Variants in TMEM156 observed in about 807,000 individuals in gnomAD.
The protein encoded by TMEM156 is transmembrane protein 156.
A neutral mutation model predicts 30.5 loss-of-function variants in TMEM156; 28 were observed. The ratio of observed to expected loss-of-function variants is 0.92; its 90% CI spans 0.68 to 1.26. The LOEUF (loss-of-function observed/expected upper bound fraction) is 1.26, where lower values mean the gene tolerates loss of function less well. Ranked by LOEUF, TMEM156 falls within the 50% of genes most tolerant of loss-of-function variation. The pLI is 0.00. For missense variants in TMEM156, 351 were observed against 340.6 expected, an observed-to-expected ratio of 1.03 and a Z score of -0.24; for synonymous variants, 137 against 119.9, an observed-to-expected ratio of 1.14 and a Z score of -0.93.
chr4:39,031,905 A>AAAAAAAAAAAAAAAAAAAAAAAAAAC (rs60499521), intron 1 of TMEM156, among the ~76,000 whole-genome samples: 1 of 129,254 alleles, frequency 7.7e-6, no homozygotes, highest in Non-Finnish European at 1.6e-5. Flanking sequence ...AAATAAAAAA[A>AAAAAAAAAAAAAAAAAAAAAAAAAAC]TAAAAAAAAA....
chr4:39,027,972 G>A (rs1577594296), intron 1 of TMEM156, among the ~76,000 whole-genome samples: 1 of 152,006 alleles, frequency 6.6e-6, no homozygotes, highest in Non-Finnish European at 1.5e-5. Context: ...GGCCAGGCCG[G>A]TCTTAAACTC....
Position 38,997,153 on chromosome 4 carries a change from T to C in TMEM156, c.358+1487A>G, listed in dbSNP as rs115508377. On this transcript the variant is annotated intron_variant, in intron 2 of 6. Transcript: ENST00000381938. The stretch of plus-strand genomic sequence containing the variant: ...GAGAAGATCTGTGAGCTACCAACCC[T>C]TAAAACACTTCCTAGTTCTCTGTCA... 8.0e-3 allele frequency among the ~76,000 whole-genome samples: 1,223 copies of C among 152,334 alleles called. 24 individuals carry two copies. The highest frequency in any genetic ancestry group is 0.027 in the African/African-American group (1,112 of 41,570).
intron 5 of TMEM156, among the ~76,000 whole-genome samples, chr4:38,977,781 A>G (rs537529993): frequency 2.6e-5 from 4 of 152,308 alleles, no homozygotes; most frequent in African/African-American, 9.6e-5. Context: ...CTGAATTTTG[A>G]CCTGGCTGAA....
chr4:39,014,142 A>C (rs1017332241), intron 1 of TMEM156, among the ~76,000 whole-genome samples: 14 of 152,226 alleles, frequency 9.2e-5, no homozygotes, highest in Non-Finnish European at 1.3e-4. Context: ...ATTTTAAACA[A>C]AAGAGGCTGT....
At position 38,992,162 on chromosome 4, in the gene TMEM156, G is replaced by T. The variant is rs528351757; in HGVS notation, c.619+1576C>A. On this transcript the variant is annotated intron_variant, in intron 3 of 6. Transcript: ENST00000381938. ...AAGCTTTAGAAAAGCAATCTGAAAG[G>T]CTTCCGTATGTCTGGAATATCAAAA... Among the ~76,000 whole-genome samples, 4 of 152,240 alleles carry T rather than the reference G, an allele frequency of 2.6e-5. No individual in the cohort carries two copies. The South Asian group carries it at 6.2e-4, about 24-fold the overall frequency.
chr4:38,991,314 C>G (rs1205940110), intron 3 of TMEM156, among the ~76,000 whole-genome samples: 1 of 150,332 alleles, frequency 6.7e-6, no homozygotes, highest in Non-Finnish European at 1.5e-5. Context: ...GCCTTGTCTT[C>G]CCTATCTCAA....
rs756573192 is a variant in TMEM156, at chr4:38,998,620, C to G, written c.358+20G>C. 3 of 1,594,102 alleles carry G rather than the reference C, an allele frequency of 1.9e-6. No homozygotes were observed. The highest frequency in any genetic ancestry group is 2.6e-6 in the Non-Finnish European group (3 of 1,169,604). On this transcript the variant is annotated intron_variant, in intron 2 of 6. Coordinates refer to ENST00000381938, the MANE Select transcript of TMEM156 (RefSeq NM_024943.3). ...TTTATACCTGATACCATTTTATTCT[C>G]ACCTTCACTTTGTGTTTACCTTTTG... is the stretch of plus-strand genomic sequence containing the variant.
intron 5 of TMEM156, among the ~76,000 whole-genome samples, chr4:38,985,357 C>T (rs917720320): frequency 3.3e-5 from 5 of 152,130 alleles, no homozygotes; most frequent in Non-Finnish European, 7.4e-5. Flanking sequence ...ACTGCTAATG[C>T]TGGGTAGAAA....
chr4:38,975,116 A>G (rs1722785220), intron 5 of TMEM156, among the ~76,000 whole-genome samples: 1 of 152,122 alleles, frequency 6.6e-6, no homozygotes, highest in African/African-American at 2.4e-5. Flanking sequence ...TACCCTTTAG[A>G]CTTCTAAAGG....
At position 38,988,940 on chromosome 4, in the gene TMEM156, T is replaced by C. The variant is rs1712217792; in HGVS notation, c.650A>G (p.Tyr217Cys). 6.2e-7 allele frequency: 1 copy of C among 1,612,054 alleles called. No individual in the cohort carries two copies. Among genetic ancestry groups the C allele is most frequent in the Non-Finnish European group, 8.5e-7 (1 of 1,178,510 alleles). The change falls in exon 4 of 7, where the codon TAT becomes TGT. Residue 217 changes from tyrosine (Y) to cysteine (C), a missense_variant. Transcript: ENST00000381938. ...NITCSMKITW[Y>C]ILVLLVFIFL... ...TATAAAAACTAATAGAACTAAAATA[T>C]ACCAAGTGATCTTCATGGAACAAGT...
chr4:38,975,691 T>A (rs1433423747), intron 5 of TMEM156, among the ~76,000 whole-genome samples: 1 of 152,144 alleles, frequency 6.6e-6, no homozygotes, highest in Non-Finnish European at 1.5e-5. Flanking sequence ...ATTTTTGTCT[T>A]TCTAAAAGAA....
At chr4:39,030,019 TTTGTTGGCCCCAAG>T (rs1256531053) in intron 1 of TMEM156, among the ~76,000 whole-genome samples, 4 of 151,964 alleles carry the variant, frequency 2.6e-5, no homozygotes, top group Non-Finnish European at 5.9e-5. Context: ...AACATTTTTG[TTTGTTGGCCCCAAG>T]TAGGGTTCCT....
chr4:38,997,161 C>T (rs1032938922), intron 2 of TMEM156, among the ~76,000 whole-genome samples: 9 of 152,218 alleles, frequency 5.9e-5, no homozygotes, highest in African/African-American at 1.2e-4. Context: ...CCTTAAAACA[C>T]TTCCTAGTTC....
rs1048883249 is a variant in TMEM156, at chr4:38,992,849, C to T, written c.619+889G>A. Among the ~76,000 whole-genome samples, 5 of 149,436 alleles carry T rather than the reference C, an allele frequency of 3.3e-5. No individual in the cohort carries two copies. In the East Asian group the frequency reaches 9.9e-4, roughly 30 times the overall value. On this transcript the variant is annotated intron_variant, in intron 3 of 6. Transcript: ENST00000381938. Reference sequence around the variant, plus strand: ...CGATCTCGGCTCACTGTAACCTCCGCCTCCCGGATTCAAGCGATTCTCCTG... The same window carrying T: ...CGATCTCGGCTCACTGTAACCTCCGTCTCCCGGATTCAAGCGATTCTCCTG...
At position 39,018,512 on chromosome 4, in the gene TMEM156, T is replaced by C. The variant is rs1465732898; in HGVS notation, c.88+13714A>G. 2.0e-5 allele frequency among the ~76,000 whole-genome samples: 3 copies of C among 152,270 alleles called. No individual in the cohort carries two copies. In the East Asian group the frequency reaches 5.8e-4, roughly 29 times the overall value. On this transcript the variant is annotated intron_variant, in intron 1 of 6. Coordinates refer to ENST00000381938, the MANE Select transcript of TMEM156 (RefSeq NM_024943.3). ...TCTCCTAAAGCTAATTATTTAGAAG[T>C]TCTTTCACTGAGGGTCTGATGATTG...
At position 38,988,891 on chromosome 4, in the gene TMEM156, G is replaced by C; in HGVS notation, c.699C>G (p.Arg233=). 3.1e-6 allele frequency: 5 copies of C among 1,614,038 alleles called. No homozygotes were observed. Among genetic ancestry groups the C allele is most frequent in the Non-Finnish European group, 4.2e-6 (5 of 1,179,978 alleles). ...VFIFLIILTI[R]KILEGQRRVQ... Reference sequence around the variant, plus strand: ...CTCTTCTCTGGCCTTCAAGTATTTTGCGGATAGTGAGGATGATCAAAAATA... The same window carrying C: ...CTCTTCTCTGGCCTTCAAGTATTTTCCGGATAGTGAGGATGATCAAAAATA... Residue 233 remains arginine (R), a synonymous_variant, in exon 4 of 7, where the codon CGC becomes CGG. Transcript: ENST00000381938.
chr4:38,974,085 ATGTG>A (rs1560353675), intron 5 of TMEM156, among the ~76,000 whole-genome samples: 49 of 116,684 alleles, frequency 4.2e-4, no homozygotes, highest in African/African-American at 1.5e-3. Flanking sequence ...GTGTGTGTGT[ATGTG>A]TGTGTGTGTT....
intron 5 of TMEM156, among the ~76,000 whole-genome samples, chr4:38,983,985 C>T (rs531534910): frequency 1.8e-4 from 28 of 152,282 alleles, no homozygotes; most frequent in African/African-American, 6.5e-4. Flanking sequence ...AGCAACAACA[C>T]TCCACAGATA....
chr4:38,976,289 CAAAAAAAAAAAA>C (rs34271253), intron 5 of TMEM156, among the ~76,000 whole-genome samples: 1 of 74,322 alleles, frequency 1.3e-5, no homozygotes, highest in Non-Finnish European at 2.5e-5. Context: ...GACTCCGTCT[CAAAAAAAAAAAA>C]AAAAAAAAAA....
Sources: allele counts gnomAD v4.1 joint callset (sites outside exome capture counted in the v4.1 genomes callset), GRCh38; gene constraint gnomAD v4.1.1; transcripts MANE v1.5; gene names NCBI Gene and HGNC (gene_info 2026-07-23, HGNC 2026-07-21).